Variants in PDE4B observed in about 807,000 individuals in gnomAD.
PDE4B encodes the protein phosphodiesterase 4B.
In PDE4B, 20 loss-of-function variants were observed where a neutral mutation model predicts 82.2. The observed-to-expected ratio is 0.24, with a 90% CI of 0.17 to 0.35. The LOEUF is 0.35. PDE4B is among the 10% of genes least tolerant of loss of function. PDE4B has a pLI of 1.00. For synonymous variants in PDE4B, 320 were observed against 318.9 expected (o/e 1.00, Z -0.04); for missense variants, 655 against 907.2 (o/e 0.72, Z 3.57).
chr1:65,907,665 G>T (rs1002259046), intron 1 of PDE4B, among the ~76,000 whole-genome samples: 1 of 152,102 alleles, frequency 6.6e-6, no homozygotes, highest in East Asian at 1.9e-4. Flanking sequence ...GTTCTTAGAC[G>T]TTTATACTTT....
At chr1:66,259,970 G>A (rs1367024642) in intron 6 of PDE4B, among the ~76,000 whole-genome samples, 2 of 152,108 alleles carry the variant, frequency 1.3e-5, no homozygotes, top group Admixed American at 6.6e-5. Flanking sequence ...GTAAAATAGG[G>A]TTGTTATGAG....
chr1:65,934,354 A>G (rs1210861073), intron 3 of PDE4B, among the ~76,000 whole-genome samples: 1 of 152,178 alleles, frequency 6.6e-6, no homozygotes, highest in Non-Finnish European at 1.5e-5. Flanking sequence ...TCAGGAGGCT[A>G]ATGCAGGAGG....
At chr1:66,339,125 G>A (rs1350182254) in intron 8 of PDE4B, among the ~76,000 whole-genome samples, 1 of 152,106 alleles carries the variant, frequency 6.6e-6, no homozygotes, top group Non-Finnish European at 1.5e-5. Context: ...TCCAAGGCAT[G>A]GAACATGACC....
intron 1 of PDE4B, among the ~76,000 whole-genome samples, chr1:65,802,728 T>A (rs1319705881): frequency 6.6e-6 from 1 of 152,188 alleles, no homozygotes; most frequent in Non-Finnish European, 1.5e-5. Context: ...TAAGATATGA[T>A]AGTTTAAAAT....
intron 2 of PDE4B, among the ~76,000 whole-genome samples, chr1:65,914,441 T>C (rs1188598927): frequency 6.6e-6 from 1 of 150,430 alleles, no homozygotes; most frequent in South Asian, 2.2e-4. Context: ...TTCTGTCACT[T>C]GTGGCAGCAT....
At chr1:66,332,345 TCTC>T (rs1557705543) in intron 7 of PDE4B, 160 bp from the exon 8 acceptor site, 1 of 1,606,490 alleles carries the variant, frequency 6.2e-7, no homozygotes, top group South Asian at 1.1e-5. Flanking sequence ...TGTGATTTGT[TCTC>T]CTGGTGGAGA....
At chr1:66,304,375 G>T (rs1020102854) in intron 7 of PDE4B, among the ~76,000 whole-genome samples, 2 of 151,952 alleles carry the variant, frequency 1.3e-5, no homozygotes, top group African/African-American at 4.8e-5. Flanking sequence ...TTCTGACCCT[G>T]GTAAAAATAC....
intron 3 of PDE4B, among the ~76,000 whole-genome samples, chr1:65,949,998 T>G (rs1231654531): frequency 6.6e-6 from 1 of 152,032 alleles, no homozygotes; most frequent in Non-Finnish European, 1.5e-5. Flanking sequence ...AACAATTAAT[T>G]TTGTTTTCTC....
chr1:66,052,554 A>T (rs975016157), intron 3 of PDE4B, among the ~76,000 whole-genome samples: 10 of 95,104 alleles, frequency 1.1e-4, no homozygotes, highest in Admixed American at 1.0e-3. Flanking sequence ...TCAGGGACCG[A>T]GTTTTTTTTT....
chr1:66,319,737 C>T (rs925292230), intron 7 of PDE4B, among the ~76,000 whole-genome samples: 14 of 152,178 alleles, frequency 9.2e-5, no homozygotes, highest in Admixed American at 7.2e-4. Context: ...ATACCTCTCT[C>T]GAAAGGTAGA....
rs752491251 is a variant in PDE4B at position 66,368,865 on chromosome 1, C to T, written c.1741C>T (p.Arg581Cys). 57 of 1,613,082 alleles carry T rather than the reference C, an allele frequency of 3.5e-5. No homozygotes were observed. The highest frequency in any genetic ancestry group is 4.3e-5 in the Non-Finnish European group (51 of 1,179,534). The change falls in exon 16 of 17, where the codon CGC (arginine) becomes TGC (cysteine). Residue 581 changes from arginine (R) to cysteine (C), a missense_variant. This residue lies in a region of PDE4B where 283 missense variants were observed against 516.4 expected (regional missense o/e 0.55). Coordinates refer to ENST00000341517, the MANE Select transcript of PDE4B (RefSeq NM_002600.4). ...GGAATTGTATCGGCAATGGACAGAC[C>T]GCATCATGGAGGAATTTTTCCAGCA... ...SLELYRQWTD[R>C]IMEEFFQQGD...
chr1:66,179,117 G>T (rs1229268769), intron 3 of PDE4B, among the ~76,000 whole-genome samples: 1 of 152,158 alleles, frequency 6.6e-6, no homozygotes, highest in African/African-American at 2.4e-5. Context: ...CTCCCAAAGT[G>T]CTGGATTACA....
At chr1:65,944,244 T>C (rs538484806) in intron 3 of PDE4B, among the ~76,000 whole-genome samples, 5 of 152,102 alleles carry the variant, frequency 3.3e-5, no homozygotes, top group South Asian at 2.1e-4. Flanking sequence ...GAGAGGATCA[T>C]ATGGTTTTTG....
intron 3 of PDE4B, among the ~76,000 whole-genome samples, chr1:66,036,171 A>G (rs1485004981): frequency 6.6e-6 from 1 of 151,720 alleles, no homozygotes; most frequent in African/African-American, 2.4e-5. Flanking sequence ...TTTTAAAGTT[A>G]TTTTTTTCCT....
chr1:66,242,513 A>G (rs1652964466), intron 3 of PDE4B, among the ~76,000 whole-genome samples: 1 of 152,216 alleles, frequency 6.6e-6, no homozygotes, highest in African/African-American at 2.4e-5. Context: ...TGCGAAAGAA[A>G]AATCTCCTCT....
chr1:66,071,777 G>A (rs995297356), intron 3 of PDE4B, among the ~76,000 whole-genome samples: 2 of 151,974 alleles, frequency 1.3e-5, no homozygotes, highest in South Asian at 2.1e-4. Context: ...GTAAGACTAC[G>A]TGTTATCGAT....
chr1:66,185,604 T>C (rs992505583), intron 3 of PDE4B, among the ~76,000 whole-genome samples: 1 of 152,210 alleles, frequency 6.6e-6, no homozygotes, highest in Non-Finnish European at 1.5e-5. Flanking sequence ...ATGATGAGCA[T>C]TTTTTCATGT....
intron 8 of PDE4B, among the ~76,000 whole-genome samples, chr1:66,343,680 A>G (rs953538412): frequency 6.6e-6 from 1 of 152,220 alleles, no homozygotes; most frequent in Non-Finnish European, 1.5e-5. Context: ...AAAAGCAAAG[A>G]AAGTTTTTGT....
intron 2 of PDE4B, among the ~76,000 whole-genome samples, chr1:65,917,547 C>T (rs1018711882): frequency 6.6e-6 from 1 of 152,118 alleles, no homozygotes; most frequent in Non-Finnish European, 1.5e-5. Flanking sequence ...AATGGTACAC[C>T]AGGCAGAGGC....
Sources: gnomAD v4.1 joint callset for allele counts (sites outside exome capture counted in the v4.1 genomes callset) on GRCh38, gnomAD v4.1.1 for gene constraint, gnomAD v4.1.1 regional missense constraint, MANE v1.5 for transcripts, NCBI Gene and HGNC (gene_info 2026-07-23, HGNC 2026-07-21) for gene names.